The following PTPRK variants were observed in gnomAD, a reference collection of about 807,000 sequenced individuals.
PTPRK encodes protein tyrosine phosphatase receptor type K, also known as receptor-type tyrosine-protein phosphatase kappa.
Under a neutral mutation model 178.0 loss-of-function variants are expected in PTPRK, and 75 were observed. The observed-to-expected ratio is 0.42, with a 90% CI of 0.35 to 0.51. The LOEUF (loss-of-function observed/expected upper bound fraction) is 0.51, where lower values mean the gene tolerates loss of function less well. Ranked by LOEUF, PTPRK falls within the 20% of genes least tolerant of loss-of-function variation. PTPRK has a pLI of 0.02. For synonymous variants in PTPRK, 637 were observed against 620.6 expected (o/e 1.03, Z -0.39); for missense variants, 1,441 against 1,797.8 (o/e 0.80, Z 3.59).
intron 6 of PTPRK, among the ~76,000 whole-genome samples, chr6:128,217,039 T>C (rs922325707): frequency 1.3e-5 from 2 of 152,176 alleles, no homozygotes; most frequent in Non-Finnish European, 2.9e-5. Flanking sequence ...GAAGATCCAG[T>C]GAGCATGATA....
chr6:128,014,761 G>A lies in PTPRK; in HGVS notation c.2195-5493C>T, dbSNP rs181023254. Among the ~76,000 whole-genome samples the A allele has an allele frequency of 1.5e-3, 222 of 151,712 alleles. 3 individuals are homozygous for A. Among genetic ancestry groups the A allele is most frequent in the Admixed American group, 1.3e-3 (19 of 15,170 alleles). ...ATTTATTACACAGGCTGCCACACTG[G>A]ACACCTAAACCTTATGGGTGTCTTG... On this transcript the variant is annotated intron_variant, in intron 13 of 29. Coordinates refer to ENST00000368226, the MANE Select transcript of PTPRK (RefSeq NM_002844.4).
Position 128,271,613 on chromosome 6 carries a change from C to T in PTPRK, c.496-29011G>A, listed in dbSNP as rs139260455. Among the ~76,000 whole-genome samples the T allele has an allele frequency of 2.6e-3, 389 of 152,216 alleles. 1 individual carries two copies. Among genetic ancestry groups the T allele is most frequent in the African/African-American group, 8.9e-3 (371 of 41,544 alleles). ...TGCAAATCCCTACTGGCAGCCTGGC[C>T]TAAGCTCAGAAGACCCCCTTCTCAA... On this transcript the variant is annotated intron_variant, in intron 3 of 29. Transcript: ENST00000368226.
At chr6:128,205,229 T>C (rs1806706784) in intron 6 of PTPRK, among the ~76,000 whole-genome samples, 1 of 151,844 alleles carries the variant, frequency 6.6e-6, no homozygotes, top group African/African-American at 2.4e-5. Context: ...CATGGATACA[T>C]GGAGGGGAAC....
At position 128,519,002 on chromosome 6, in the gene PTPRK, G is replaced by C. The variant is rs1858526336; in HGVS notation, c.100+1257C>G. 1 of 515,994 alleles carries C rather than the reference G, an allele frequency of 1.9e-6. No individual in the cohort carries two copies. The highest frequency in any genetic ancestry group is 1.9e-5 in the African/African-American group (1 of 51,532). 32.0% of individuals were successfully genotyped at this position (515,994 alleles called of 1,614,324 possible). A position where few individuals can be genotyped will look rare whatever the true frequency, so the allele number is the denominator to read the frequency against. ...AACGTGAGAAACTGTCAGGTACAAAGTAAGTTATTTGCGTCCTGCGGCTTC... is the reference window on the plus strand; with the variant it reads ...AACGTGAGAAACTGTCAGGTACAAACTAAGTTATTTGCGTCCTGCGGCTTC... On this transcript the variant is annotated intron_variant, in intron 1 of 29. Coordinates refer to ENST00000368226, the MANE Select transcript of PTPRK (RefSeq NM_002844.4). The surrounding 1 kb of genome is among the most constrained non-coding windows in gnomAD (Gnocchi z 4.3).
intron 15 of PTPRK, chr6:128,000,389 G>T: frequency 9.0e-7 from 1 of 1,114,574 alleles, no homozygotes; most frequent in Non-Finnish European, 1.1e-6. Context: ...CTGTAATTTA[G>T]CTTGATTGCA....
chr6:128,272,310 T>A (rs1819962011), intron 3 of PTPRK, among the ~76,000 whole-genome samples: 1 of 152,128 alleles, frequency 6.6e-6, no homozygotes. Flanking sequence ...AAGGACCTCA[T>A]GACTAAAACA....
intron 13 of PTPRK, among the ~76,000 whole-genome samples, chr6:128,051,550 A>G (rs1778999219): frequency 1.3e-5 from 2 of 152,142 alleles, no homozygotes; most frequent in South Asian, 4.1e-4. Flanking sequence ...TATCGTTTAT[A>G]AGCCCCTTCT....
intron 3 of PTPRK, among the ~76,000 whole-genome samples, chr6:128,302,391 CAA>C (rs534525238): frequency 6.5e-5 from 2 of 30,914 alleles, no homozygotes; most frequent in Non-Finnish European, 1.1e-4. Context: ...GACTCAATTC[CAA>C]AAAAAAAAAA....
intron 7 of PTPRK, among the ~76,000 whole-genome samples, chr6:128,165,217 T>C (rs1799227444): frequency 6.6e-6 from 1 of 151,298 alleles, no homozygotes; most frequent in South Asian, 2.1e-4. Context: ...CAGTAATTAT[T>C]TCAGTTTTAC....
chr6:128,435,990 G>GGA, intron 1 of PTPRK, among the ~76,000 whole-genome samples: 1 of 131,406 alleles, frequency 7.6e-6, no homozygotes, highest in Non-Finnish European at 1.6e-5. Flanking sequence ...TGAGAAAGAG[G>GGA]AAAAAAAAAA....
intron 1 of PTPRK, chr6:128,500,835 G>A (rs35395689): frequency 0.07 from 10,727 of 152,218 alleles, 757 homozygotes; most frequent in African/African-American, 0.19. Context: ...CGGGCTAAGT[G>A]CAGTGGCATA....
chr6:128,457,696 G>A (rs1202311815), intron 1 of PTPRK, among the ~76,000 whole-genome samples: 1 of 152,066 alleles, frequency 6.6e-6, no homozygotes, highest in Non-Finnish European at 1.5e-5. Context: ...AGTCATTTAT[G>A]CATTCACATA....
rs546292362 is a variant in PTPRK, at chr6:128,214,904, A to G, written c.868+4018T>C. 5.9e-5 allele frequency among the ~76,000 whole-genome samples: 9 copies of G among 152,276 alleles called. No individual in the cohort carries two copies. In the East Asian group the frequency reaches 1.4e-3, roughly 23 times the overall value. On this transcript the variant is annotated intron_variant, in intron 6 of 29. Transcript: ENST00000368226. ...TGAATAAGGTTGGGTAACTACCCTG[A>G]GTAAGGTTAGGTAAAGTGATTGATA...
intron 7 of PTPRK, among the ~76,000 whole-genome samples, chr6:128,153,298 A>G (rs1317882124): frequency 1.3e-5 from 2 of 152,020 alleles, no homozygotes; most frequent in African/African-American, 4.8e-5. Context: ...GATTAAAAAA[A>G]AAAATCAGGC....
intron 1 of PTPRK, among the ~76,000 whole-genome samples, chr6:128,510,434 G>C (rs1857004109): frequency 6.6e-6 from 1 of 152,134 alleles, no homozygotes; most frequent in Non-Finnish European, 1.5e-5. Flanking sequence ...ATCCCATGTT[G>C]CTCAGATATA....
chr6:128,133,269 T>G (rs1294435205), intron 7 of PTPRK, among the ~76,000 whole-genome samples: 1 of 152,192 alleles, frequency 6.6e-6, no homozygotes, highest in Non-Finnish European at 1.5e-5. Context: ...AACGGATATC[T>G]ACGGTTTATT....
At chr6:128,155,148 A>G (rs1055003185) in intron 7 of PTPRK, among the ~76,000 whole-genome samples, 1 of 151,712 alleles carries the variant, frequency 6.6e-6, no homozygotes, top group African/African-American at 2.4e-5. Flanking sequence ...TTATTCACAC[A>G]TCTCTCAGTG....
intron 1 of PTPRK, among the ~76,000 whole-genome samples, chr6:128,477,371 A>G (rs1477449044): frequency 6.6e-6 from 1 of 151,872 alleles, no homozygotes; most frequent in African/African-American, 2.4e-5. Context: ...TAGCTAGGCA[A>G]GAGATCTTGA....
intron 1 of PTPRK, among the ~76,000 whole-genome samples, chr6:128,493,903 C>T (rs925247620): frequency 1.3e-5 from 2 of 152,172 alleles, no homozygotes; most frequent in Non-Finnish European, 2.9e-5. Flanking sequence ...TTCATTTCTA[C>T]GTGAGTTATA....
Sources: gnomAD v4.1 joint callset for allele counts (sites outside exome capture counted in the v4.1 genomes callset) on GRCh38, gnomAD v4.1.1 for gene constraint, Gnocchi (gnomAD v3.1) non-coding constraint, MANE v1.5 for transcripts, NCBI Gene and HGNC (gene_info 2026-07-23, HGNC 2026-07-21) for gene names.